Variants in TEX11 observed in about 807,000 individuals in gnomAD.
The protein encoded by TEX11 is testis expressed 11.
TEX11 carries 7 observed loss-of-function variants against 84.4 expected under a neutral mutation model. The ratio of observed to expected loss-of-function variants is 0.08; its 90% CI spans 0.05 to 0.16. The LOEUF is 0.16. Among genes scored for constraint, TEX11 ranks in the 10% least tolerant of loss-of-function variants. The pLI, the probability that TEX11 is intolerant of heterozygous loss-of-function variation, is 1.00. For synonymous variants in TEX11, 264 were observed against 222.8 expected (o/e 1.18, Z -1.64); for missense variants, 551 against 660.5 (o/e 0.83, Z 1.82).
intron 10 of TEX11, among the ~76,000 whole-genome samples, chrX:70,741,908 C>A (rs2090736084): frequency 8.9e-6 from 1 of 111,749 alleles, no homozygotes; most frequent in African/African-American, 3.2e-5. Flanking sequence ...TTATCATTAT[C>A]TTCCCAAATT....
chrX:70,667,939 A>T (rs866979836), intron 16 of TEX11, among the ~76,000 whole-genome samples: 3 of 107,577 alleles, frequency 2.8e-5, no homozygotes, highest in African/African-American at 1.0e-4. Flanking sequence ...AAAAAAAAAA[A>T]TAAAAAAGAA....
At chrX:70,839,468 T>G in intron 7 of TEX11, among the ~76,000 whole-genome samples, 1 of 111,219 alleles carries the variant, frequency 9.0e-6, no homozygotes, top group Non-Finnish European at 1.9e-5. Context: ...AGAAAGGACA[T>G]CCACATCAAA....
chrX:70,514,831 GCTGAGGCAGTTGGATCAC>G, the TEX11 span, among the ~76,000 whole-genome samples: 1 of 111,102 alleles, frequency 9.0e-6, no homozygotes, highest in Admixed American at 9.6e-5. Flanking sequence ...ACTTTGGGAG[GCTGAGGCAGTTGGATCAC>G]CTGAGGTCAG....
At chrX:70,574,941 G>A (rs2088654007) in intron 25 of TEX11, among the ~76,000 whole-genome samples, 1 of 111,292 alleles carries the variant, frequency 9.0e-6, no homozygotes, top group South Asian at 3.8e-4. Flanking sequence ...GGAAGTACAA[G>A]GTGTTATCGA....
At chrX:70,635,215 C>A (rs937107382) in intron 17 of TEX11, among the ~76,000 whole-genome samples, 1 of 111,795 alleles carries the variant, frequency 8.9e-6, no homozygotes, top group Non-Finnish European at 1.9e-5. Context: ...CCCATGTCAC[C>A]CCTCCCCCAA....
chrX:70,742,818 A>T (rs900895961), intron 10 of TEX11, among the ~76,000 whole-genome samples: 5 of 110,705 alleles, frequency 4.5e-5, no homozygotes, highest in Non-Finnish European at 9.5e-5. Context: ...TTGCAGCCTC[A>T]AACTCCTGGT....
intron 13 of TEX11, among the ~76,000 whole-genome samples, chrX:70,719,275 C>G (rs896856686): frequency 8.9e-6 from 1 of 112,116 alleles, no homozygotes; most frequent in Non-Finnish European, 1.9e-5. Context: ...AACACTGCCA[C>G]TTTGGATTTA....
chrX:70,622,562 T>C (rs1269263052), intron 20 of TEX11, among the ~76,000 whole-genome samples: 2 of 111,920 alleles, frequency 1.8e-5, no homozygotes, highest in Non-Finnish European at 3.8e-5. Flanking sequence ...TGTCAGATAC[T>C]GCCCTAGGTT....
intron 2 of TEX11, among the ~76,000 whole-genome samples, chrX:70,890,470 C>A (rs193175138): frequency 1.8e-5 from 2 of 112,074 alleles, no homozygotes; most frequent in Non-Finnish European, 3.8e-5. Context: ...CCATGACAGA[C>A]GGTACCTGGA....
At position 70,736,893 on chromosome X, in the gene TEX11, G is replaced by A. The variant is rs1473524540; in HGVS notation, c.843+3808C>T. Among the ~76,000 whole-genome samples the A allele has an allele frequency of 5.4e-5, 6 of 111,530 alleles. No homozygotes were observed. In the East Asian group the frequency reaches 8.4e-4, roughly 16 times the overall value. On this transcript the variant is annotated intron_variant, in intron 11 of 29. Transcript: ENST00000374333. ...TTCACATGAACAGCGGGATCAAATC[G>A]TTTCCAAATAACTTGCCTGTTTCCC... is the stretch of plus-strand genomic sequence containing the variant.
intron 3 of TEX11, among the ~76,000 whole-genome samples, chrX:70,879,030 T>C (rs1172149200): frequency 1.8e-5 from 2 of 111,586 alleles, no homozygotes; most frequent in Admixed American, 9.6e-5. Context: ...AAACCACACA[T>C]TGTATGATTC....
chrX:70,742,986 C>G (rs1237965770), intron 10 of TEX11, among the ~76,000 whole-genome samples: 1 of 111,507 alleles, frequency 9.0e-6, no homozygotes, highest in African/African-American at 3.3e-5. Context: ...GCATCCATCT[C>G]GAGAACTCTC....
At chrX:70,812,109 T>C (rs2091258814) in intron 8 of TEX11, among the ~76,000 whole-genome samples, 1 of 111,821 alleles carries the variant, frequency 8.9e-6, no homozygotes, top group African/African-American at 3.2e-5. Context: ...CCCATGCCTA[T>C]GTCCTGAATG....
chrX:70,892,613 A>T (rs1358316890), intron 2 of TEX11, among the ~76,000 whole-genome samples: 3 of 110,165 alleles, frequency 2.7e-5, no homozygotes, highest in African/African-American at 9.9e-5. Context: ...CACGTCTGTA[A>T]TCCCAGCTAC....
intron 8 of TEX11, 91 bp from the exon 9 acceptor site, chrX:70,806,881 C>A: frequency 5.4e-6 from 3 of 552,096 alleles, no homozygotes; most frequent in Middle Eastern, 3.8e-4. Context: ...CATGACGGTG[C>A]CACATCACTC....
chrX:70,783,577 A>AG lies in TEX11; in HGVS notation c.692+23127dup, dbSNP rs765533215. Among the ~76,000 whole-genome samples, 3 of 112,013 alleles carry AG rather than the reference A, an allele frequency of 2.7e-5. No individual in the cohort carries two copies. The East Asian group carries it at 8.3e-4, about 31-fold the overall frequency. On this transcript the variant is annotated intron_variant, in intron 9 of 29. Coordinates refer to ENST00000374333, the MANE Select transcript of TEX11 (RefSeq NM_031276.3). Reference sequence around the variant, plus strand: ...AGATCAACAAAATTGATAGACCGCTAGCAAGACTAACAAAGAAGAAAAGAA... The same window carrying AG: ...AGATCAACAAAATTGATAGACCGCTAGGCAAGACTAACAAAGAAGAAAAGAA...
At position 70,722,575 on chromosome X, in the gene TEX11, CA is replaced by C. The variant is rs1377540848; in HGVS notation, c.1004+42del. 4.5e-6 allele frequency: 5 copies of C among 1,100,755 alleles called. No individual in the cohort carries two copies. The African/African-American group carries it at 7.3e-5, about 16-fold the overall frequency. The allele number at this position is 1,100,755 out of a possible 1,213,427, so 90.7% of individuals were successfully genotyped here. On this transcript the variant is annotated intron_variant, in intron 13 of 29. Coordinates refer to ENST00000374333, the MANE Select transcript of TEX11 (RefSeq NM_031276.3). Reference sequence around the variant, plus strand: ...TAGGTGTGAGCCACTGGTGCCTAGCCAAAAACTGTCAGTCTTTAGAGAAAGG... The same window carrying C: ...TAGGTGTGAGCCACTGGTGCCTAGCCAAAACTGTCAGTCTTTAGAGAAAGG...
At chrX:70,768,293 T>C (rs1204928220) in intron 9 of TEX11, among the ~76,000 whole-genome samples, 1 of 110,230 alleles carries the variant, frequency 9.1e-6, no homozygotes, top group Non-Finnish European at 1.9e-5. Flanking sequence ...TAAAAATAAA[T>C]AAAATATCTA....
At chrX:70,777,076 C>T (rs1373911516) in intron 9 of TEX11, among the ~76,000 whole-genome samples, 2 of 104,625 alleles carry the variant, frequency 1.9e-5, no homozygotes, top group Non-Finnish European at 3.9e-5. Context: ...GGAGGTTTTG[C>T]CATGTTGCCC....
Sources: allele counts gnomAD v4.1 joint callset (sites outside exome capture counted in the v4.1 genomes callset), GRCh38; gene constraint gnomAD v4.1.1; transcripts MANE v1.5; gene names NCBI Gene and HGNC (gene_info 2026-07-23, HGNC 2026-07-21).